GCLC: variants seen among roughly 807,000 people sequenced by gnomAD.
GCLC encodes the protein glutamate-cysteine ligase catalytic subunit.
In GCLC, 30 loss-of-function variants were observed where a neutral mutation model predicts 81.5. That is an observed-to-expected ratio of 0.37 (90% confidence interval 0.28 to 0.50). The LOEUF (loss-of-function observed/expected upper bound fraction) is 0.50. GCLC is among the 20% of genes least tolerant of loss of function. The pLI is 0.96. For missense variants in GCLC, 556 were observed against 777.4 expected (o/e 0.72, Z 3.39); for synonymous variants, 262 against 273.3 (o/e 0.96, Z 0.41).
At chr6:53,515,037 C>T (rs1385326313) in intron 4 of GCLC, among the ~76,000 whole-genome samples, 2 of 152,094 alleles carry the variant, frequency 1.3e-5, no homozygotes, top group African/African-American at 4.8e-5. Context: ...CATGCACATG[C>T]TGTGAGAGTA....
chr6:53,508,559 G>T, intron 8 of GCLC, 36 bp downstream of exon 8: 1 of 1,209,582 alleles, frequency 8.3e-7, no homozygotes, highest in Non-Finnish European at 1.2e-6. Flanking sequence ...TTACCTGCTT[G>T]ACTTAAAAGG....
At chr6:53,508,824 G>GAACTCC (rs981630270) in intron 7 of GCLC, 113 bp from the exon 8 acceptor site, 5 of 624,206 alleles carry the variant, frequency 8.0e-6, no homozygotes, top group Admixed American at 2.4e-5. Context: ...AACCCATACA[G>GAACTCC]AGCACATGTA....
intron 6 of GCLC, among the ~76,000 whole-genome samples, chr6:53,511,016 G>A (rs1764728375): frequency 6.6e-6 from 1 of 152,184 alleles, no homozygotes. Flanking sequence ...CTTTGCATAT[G>A]GCATGAAATT....
rs1764433513 is a variant in GCLC, at chr6:53,498,791, T to A, written c.1879A>T (p.Lys627Ter). 1 of 1,612,944 alleles carries A rather than the reference T, an allele frequency of 6.2e-7. No homozygotes were observed. Among genetic ancestry groups the A allele is most frequent in the African/African-American group, 1.3e-5 (1 of 74,894 alleles). The change falls in exon 16 of 16, where the codon AAA (lysine) becomes TAA (stop). Residue 627 changes from lysine to a stop codon, truncating the protein, a stop_gained. Coordinates refer to ENST00000650454, the MANE Select transcript of GCLC (RefSeq NM_001498.4). LOFTEE classifies it high-confidence loss of function. ...GAGTCAGTTTTACTTCCACTATATT[T>A]TACTTTCCTAAATGCTGATCCAAGT... is the stretch of plus-strand genomic sequence containing the variant. Reference protein sequence around the residue: ...ELLGSAFRKVKYSGSKTDSSN With the variant: ...ELLGSAFRKV
At chr6:53,522,672 A>G (rs1185798331) in intron 1 of GCLC, 145 bp from the exon 2 acceptor site, 9 of 621,674 alleles carry the variant, frequency 1.4e-5, no homozygotes, top group Admixed American at 4.8e-5. Flanking sequence ...AGTACAGCAC[A>G]TAAGTGTTCA....
rs3830798 is a variant in GCLC at position 53,544,653 on chromosome 6, C to CCCTCCTCCTCCTCCT, written c.-23_-9dup. 1.2e-5 allele frequency: 19 copies of CCCTCCTCCTCCTCCT among 1,550,952 alleles called. No homozygotes were observed. Among genetic ancestry groups the CCCTCCTCCTCCTCCT allele is most frequent in the African/African-American group, 2.8e-5 (2 of 72,136 alleles). Reference sequence around the variant, plus strand: ...CTGGGACAGCAGCCCCATGGCCGCCCCCTCCTCCTCCTCCTCCTCCTCCGG... The same window carrying CCCTCCTCCTCCTCCT: ...CTGGGACAGCAGCCCCATGGCCGCCCCCTCCTCCTCCTCCTCCTCCTCCTCCTCCTCCTCCTCCGG... On this transcript the variant is annotated 5_prime_UTR_variant, in exon 1 of 16. Transcript: ENST00000650454.
chr6:53,520,370 T>C (rs1159509266), intron 3 of GCLC, among the ~76,000 whole-genome samples: 1 of 152,230 alleles, frequency 6.6e-6, no homozygotes, highest in East Asian at 1.9e-4. Flanking sequence ...ATGCTGCTTT[T>C]TGAAAGTGCA....
At position 53,529,278 on chromosome 6, in the gene GCLC, C is replaced by T. The variant is rs140657644; in HGVS notation, c.151-6751G>A. On this transcript the variant is annotated intron_variant, in intron 1 of 15. Transcript: ENST00000650454. Reference sequence around the variant, plus strand: ...AATGTAGACCTGCTCTTTCATGCTCCACGGATGCATGAGACATTTTCTGGG... The same window carrying T: ...AATGTAGACCTGCTCTTTCATGCTCTACGGATGCATGAGACATTTTCTGGG... Among the ~76,000 whole-genome samples the T allele has an allele frequency of 4.6e-5, 7 of 152,254 alleles. No homozygotes were observed. The East Asian group carries it at 1.2e-3, about 25-fold the overall frequency.
chr6:53,523,462 A>G (rs549737993), intron 1 of GCLC: 1 of 152,382 alleles, frequency 6.6e-6, no homozygotes, highest in East Asian at 1.9e-4. Flanking sequence ...GATTCCTCAC[A>G]AGGCAAACCA....
intron 15 of GCLC, 108 bp downstream of exon 15, chr6:53,499,937 C>T (rs1561936789): frequency 2.5e-6 from 2 of 795,240 alleles, no homozygotes; most frequent in Non-Finnish European, 4.3e-6. Context: ...AAATGTGAAA[C>T]TGTGCATGAA....
chr6:53,508,494 G>A, intron 8 of GCLC, 101 bp downstream of exon 8: 1 of 796,930 alleles, frequency 1.3e-6, no homozygotes, highest in Non-Finnish European at 2.3e-6. Context: ...CCCCATTTCA[G>A]ATAAAAATTG....
At chr6:53,530,164 T>C (rs1483909389) in intron 1 of GCLC, among the ~76,000 whole-genome samples, 1 of 152,240 alleles carries the variant, frequency 6.6e-6, no homozygotes, top group African/African-American at 2.4e-5. Flanking sequence ...AAGTGACTGC[T>C]AGTGCTCACT....
At position 53,544,851 on chromosome 6, in the gene GCLC, C is replaced by T; in HGVS notation, c.-206G>A. ...GGCGCCCAGGTGACAGACCCTGGGT[C>T]CGACGCACCGCGCGGAGGCGAAGGC... On this transcript the variant is annotated 5_prime_UTR_variant, in exon 1 of 16. Coordinates refer to ENST00000650454, the MANE Select transcript of GCLC (RefSeq NM_001498.4). 1 of 433,418 alleles carries T rather than the reference C, an allele frequency of 2.3e-6. No homozygotes were observed. Among genetic ancestry groups the T allele is most frequent in the Non-Finnish European group, 4.0e-6 (1 of 249,042 alleles). The allele number at this position is 433,418 out of a possible 1,614,324, so 26.8% of individuals were successfully genotyped here.
intron 1 of GCLC, among the ~76,000 whole-genome samples, chr6:53,527,466 T>G (rs1445505389): frequency 6.6e-6 from 1 of 152,204 alleles, no homozygotes; most frequent in Non-Finnish European, 1.5e-5. Flanking sequence ...CAAAAAACAC[T>G]GTCTTGCTGG....
intron 1 of GCLC, among the ~76,000 whole-genome samples, chr6:53,536,521 G>A (rs931344243): frequency 2.0e-5 from 3 of 152,094 alleles, no homozygotes; most frequent in Admixed American, 6.6e-5. Context: ...TAGAAACAGA[G>A]TACTAATTAG....
At chr6:53,540,667 CCACACACACACACACA>C (rs35480206) in intron 1 of GCLC, among the ~76,000 whole-genome samples, 2 of 143,916 alleles carry the variant, frequency 1.4e-5, no homozygotes, top group East Asian at 4.1e-4. Context: ...AAGTGTCTTG[CCACACACACACACACA>C]CACACACACA....
intron 2 of GCLC, among the ~76,000 whole-genome samples, chr6:53,522,126 G>A (rs1763010119): frequency 6.6e-6 from 1 of 152,166 alleles, no homozygotes; most frequent in Non-Finnish European, 1.5e-5. Context: ...TTAGTTTACT[G>A]TACAAAGTGC....
At position 53,497,487 on chromosome 6, in the gene GCLC, A is replaced by T. The variant is rs948162666; in HGVS notation, c.*1269T>A. 4.6e-5 allele frequency: 7 copies of T among 152,322 alleles called. No individual in the cohort carries two copies. The South Asian group carries it at 8.3e-4, about 18-fold the overall frequency. 9.4% of individuals were successfully genotyped at this position (152,322 alleles called of 1,614,324 possible). ...ATCATCCAAAATGCATGTATAAAAT[A>T]TAGAACAAACCCTAGTATTTAAACA... On this transcript the variant is annotated 3_prime_UTR_variant, in exon 16 of 16. Transcript: ENST00000650454.
At chr6:53,518,199 C>G (rs2127624178) in intron 3 of GCLC, among the ~76,000 whole-genome samples, 1 of 152,220 alleles carries the variant, frequency 6.6e-6, no homozygotes, top group East Asian at 1.9e-4. Context: ...GCTTATTCCT[C>G]TGTCTCAACT....
Sources: allele counts gnomAD v4.1 joint callset (sites outside exome capture counted in the v4.1 genomes callset), GRCh38; gene constraint gnomAD v4.1.1; transcripts MANE v1.5; gene names NCBI Gene and HGNC (gene_info 2026-07-23, HGNC 2026-07-21).